The following AXDND1 variants were observed in gnomAD, a reference collection of about 807,000 sequenced individuals.
AXDND1 encodes axonemal dynein light chain domain-containing protein 1.
A neutral mutation model predicts 137.5 loss-of-function variants in AXDND1; 110 were observed. The ratio of observed to expected loss-of-function variants is 0.80; its 90% CI spans 0.69 to 0.94. The LOEUF is 0.94. AXDND1 is among the 40% of genes least tolerant of loss of function. The pLI is 0.00. For synonymous variants in AXDND1, 414 were observed against 399.7 expected (o/e 1.04, Z -0.43); for missense variants, 1,191 against 1,169.8 (o/e 1.02, Z -0.26).
intron 12 of AXDND1, among the ~76,000 whole-genome samples, chr1:179,418,690 G>A (rs1286121042): frequency 1.3e-5 from 2 of 151,320 alleles, no homozygotes; most frequent in Admixed American, 1.3e-4. Flanking sequence ...CCTCCCTCCC[G>A]GACGGGGCGG....
intron 22 of AXDND1, among the ~76,000 whole-genome samples, chr1:179,526,836 C>T (rs1670574005): frequency 6.6e-6 from 1 of 152,172 alleles, no homozygotes; most frequent in African/African-American, 2.4e-5. Flanking sequence ...AAAGCAAAAC[C>T]TACTGGGTTA....
At chr1:179,382,800 C>T (rs2125092838) in intron 7 of AXDND1, 44 bp downstream of exon 7, 2 of 1,401,828 alleles carry the variant, frequency 1.4e-6, no homozygotes, top group Non-Finnish European at 2.0e-6. Context: ...GAAAGAATAC[C>T]TATATACATA....
At chr1:179,548,283 G>A (rs1003737605) in intron 25 of AXDND1, among the ~76,000 whole-genome samples, 1 of 152,200 alleles carries the variant, frequency 6.6e-6, no homozygotes, top group Non-Finnish European at 1.5e-5. Flanking sequence ...TTTACCTTGT[G>A]CAAGCATTGT....
chr1:179,381,887 T>C (rs997257476), intron 6 of AXDND1, among the ~76,000 whole-genome samples: 9 of 151,364 alleles, frequency 5.9e-5, no homozygotes, highest in South Asian at 4.2e-4. Context: ...TTTAAGCGAT[T>C]CTTCTGCCTC....
At chr1:179,449,040 C>A in intron 16 of AXDND1, 1 of 402,312 alleles carries the variant, frequency 2.5e-6, no homozygotes, top group Non-Finnish European at 4.9e-6. Flanking sequence ...TGTGTGCCAC[C>A]ACTGTTGACT....
intron 17 of AXDND1, among the ~76,000 whole-genome samples, chr1:179,478,144 C>T (rs551346144): frequency 1.3e-5 from 2 of 152,252 alleles, no homozygotes; most frequent in South Asian, 2.1e-4. Flanking sequence ...TGAGTGTCTA[C>T]GTGTTTTCCA....
At chr1:179,451,321 G>T in intron 16 of AXDND1, 1 of 139,438 alleles carries the variant, frequency 7.2e-6, no homozygotes. Context: ...TTCAGTTTTG[G>T]TTGTCCGTAT....
intron 11 of AXDND1, among the ~76,000 whole-genome samples, chr1:179,405,652 C>CG (rs1332675274): frequency 1.3e-5 from 2 of 151,800 alleles, no homozygotes; most frequent in Non-Finnish European, 2.9e-5. Context: ...CTAGGTATTC[C>CG]AATTTGTTAG....
intron 15 of AXDND1, among the ~76,000 whole-genome samples, chr1:179,437,070 A>T (rs938482466): frequency 1.6e-5 from 1 of 63,016 alleles, no homozygotes; most frequent in Non-Finnish European, 3.5e-5. Context: ...ACACTCACTG[A>T]AAAAAAAAAA....
At chr1:179,375,505 AT>A (rs1668506472) in intron 4 of AXDND1, among the ~76,000 whole-genome samples, 1 of 149,576 alleles carries the variant, frequency 6.7e-6, no homozygotes, top group African/African-American at 2.4e-5. Flanking sequence ...ATAACATATA[AT>A]GTATAATGTA....
chr1:179,538,576 CT>C (rs1326467488), intron 25 of AXDND1, among the ~76,000 whole-genome samples: 2 of 152,000 alleles, frequency 1.3e-5, no homozygotes, highest in Non-Finnish European at 2.9e-5. Context: ...GTGATTTCTG[CT>C]CTTTTATATT....
At chr1:179,515,648 A>G (rs577512102) in intron 21 of AXDND1, among the ~76,000 whole-genome samples, 1 of 152,278 alleles carries the variant, frequency 6.6e-6, no homozygotes, top group African/African-American at 2.4e-5. Context: ...GTTTTCCTCA[A>G]TTATTCCCCC....
chr1:179,463,672 C>A (rs1054206338), intron 16 of AXDND1, among the ~76,000 whole-genome samples: 1 of 152,116 alleles, frequency 6.6e-6, no homozygotes, highest in African/African-American at 2.4e-5. Flanking sequence ...CCTGGATATC[C>A]TTGTTAACTT....
chr1:179,549,436 T>C (rs148983917), intron 25 of AXDND1, among the ~76,000 whole-genome samples: 48 of 150,904 alleles, frequency 3.2e-4, no homozygotes, highest in African/African-American at 1.0e-3. Context: ...AATTTAAATA[T>C]TGACCTGTGC....
At chr1:179,471,408 G>A (rs1663915084) in intron 17 of AXDND1, among the ~76,000 whole-genome samples, 1 of 152,102 alleles carries the variant, frequency 6.6e-6, no homozygotes, top group South Asian at 2.1e-4. Context: ...TATTTATATT[G>A]TCTATTTCTT....
rs967935520 is a variant in AXDND1, at chr1:179,375,383, C to T, written c.375-3254C>T. Among the ~76,000 whole-genome samples, 17 of 151,958 alleles carry T rather than the reference C, an allele frequency of 1.1e-4. 1 individual carries two copies. Among genetic ancestry groups the T allele is most frequent in the African/African-American group, 2.9e-4 (12 of 41,474 alleles). ...CCCCCTAAAATACTAGGATTATAGG[C>T]GCGAGCCACCATGCCCGGCCCCAAC... On this transcript the variant is annotated intron_variant, in intron 4 of 25. Transcript: ENST00000367618.
At chr1:179,416,883 T>C (rs11808254) in intron 12 of AXDND1, among the ~76,000 whole-genome samples, 97,734 of 152,006 alleles carry the variant, frequency 0.64, 31,805 homozygotes, top group Middle Eastern at 0.7. Context: ...TACCCACAAA[T>C]TGGATTTGTC....
intron 15 of AXDND1, among the ~76,000 whole-genome samples, chr1:179,438,188 A>G (rs1324574832): frequency 2.7e-5 from 4 of 150,916 alleles, no homozygotes; most frequent in African/African-American, 9.7e-5. Flanking sequence ...AAATACATAA[A>G]AATAAAACAA....
At chr1:179,497,190 T>C (rs1184633812) in intron 20 of AXDND1, among the ~76,000 whole-genome samples, 1 of 152,164 alleles carries the variant, frequency 6.6e-6, no homozygotes, top group Non-Finnish European at 1.5e-5. Context: ...ATCAAATTGG[T>C]TGATAGTCTT....
Sources: allele counts gnomAD v4.1 joint callset (sites outside exome capture counted in the v4.1 genomes callset), GRCh38; gene constraint gnomAD v4.1.1; transcripts MANE v1.5; gene names NCBI Gene and HGNC (gene_info 2026-07-23, HGNC 2026-07-21).